EVA1C: variants seen among roughly 807,000 people sequenced by gnomAD.
EVA1C encodes the protein protein eva-1 homolog C.
In EVA1C, 25 loss-of-function variants were observed where a neutral mutation model predicts 45.4. That is an observed-to-expected ratio of 0.55 (90% CI 0.40 to 0.77). The LOEUF is 0.77. EVA1C is among the 30% of genes least tolerant of loss of function. The pLI, the probability that EVA1C is intolerant of heterozygous loss-of-function variation, is 0.00. For missense variants in EVA1C, 479 were observed against 554.8 expected, an observed-to-expected ratio of 0.86 and a Z score of 1.37; for synonymous variants, 190 against 221.2, an observed-to-expected ratio of 0.86 and a Z score of 1.25.
chr21:32,437,151 C>G (rs1266457929), intron 1 of EVA1C, among the ~76,000 whole-genome samples: 5 of 148,902 alleles, frequency 3.4e-5, no homozygotes, highest in African/African-American at 1.3e-4. Context: ...CAGAGCGAGA[C>G]TCTTTCTCAA....
chr21:32,475,299 T>C (rs1447598426), intron 4 of EVA1C, among the ~76,000 whole-genome samples: 1 of 152,150 alleles, frequency 6.6e-6, no homozygotes, highest in Non-Finnish European at 1.5e-5. Context: ...GTGGCTTTAG[T>C]GCTGAGATGC....
intron 4 of EVA1C, among the ~76,000 whole-genome samples, chr21:32,475,341 A>ATCG (rs2036515335): frequency 1.1e-5 from 1 of 94,982 alleles, no homozygotes; most frequent in African/African-American, 5.6e-5. Context: ...CTTCTAAAAT[A>ATCG]TCATCATCAT....
intron 3 of EVA1C, among the ~76,000 whole-genome samples, chr21:32,463,788 A>AG (rs1206480066): frequency 7.9e-6 from 1 of 126,830 alleles, no homozygotes; most frequent in Non-Finnish European, 1.7e-5. Flanking sequence ...TTATAAAAAA[A>AG]GAAAAAAAAA....
chr21:32,507,515 CAT>C (rs1267132665), intron 7 of EVA1C, among the ~76,000 whole-genome samples: 1 of 146,054 alleles, frequency 6.8e-6, no homozygotes, highest in Non-Finnish European at 1.5e-5. Flanking sequence ...TATCTGTGTG[CAT>C]GTGTCTCTGT....
At chr21:32,463,326 G>A (rs945925770) in intron 3 of EVA1C, among the ~76,000 whole-genome samples, 1 of 152,144 alleles carries the variant, frequency 6.6e-6, no homozygotes, top group African/African-American at 2.4e-5. Context: ...CTTCTGGAAG[G>A]CTGCCCACAC....
chr21:32,467,585 C>T (rs1202776156), intron 3 of EVA1C, 111 bp from the exon 4 acceptor site: 3 of 1,073,712 alleles, frequency 2.8e-6, no homozygotes, highest in East Asian at 5.6e-5. Context: ...ATCCCCACTG[C>T]CCCCTTCTCA....
chr21:32,422,627 G>A (rs1007501744), intron 1 of EVA1C, among the ~76,000 whole-genome samples: 4 of 152,152 alleles, frequency 2.6e-5, no homozygotes, highest in Non-Finnish European at 5.9e-5. Context: ...CAAAAACAGT[G>A]GGAGCCATAG....
chr21:32,477,656 C>G (rs957948351), intron 4 of EVA1C, among the ~76,000 whole-genome samples: 4 of 151,510 alleles, frequency 2.6e-5, no homozygotes, highest in Non-Finnish European at 5.9e-5. Context: ...CTGGCTTCCC[C>G]CAGAGAAAGT....
At chr21:32,475,153 T>C (rs1368161557) in intron 4 of EVA1C, among the ~76,000 whole-genome samples, 1 of 152,184 alleles carries the variant, frequency 6.6e-6, no homozygotes, top group Non-Finnish European at 1.5e-5. Flanking sequence ...ATTTTTCCTC[T>C]TGCCTATAAG....
At chr21:32,462,662 G>T (rs2036041498) in intron 3 of EVA1C, among the ~76,000 whole-genome samples, 1 of 152,174 alleles carries the variant, frequency 6.6e-6, no homozygotes, top group Admixed American at 6.5e-5. Flanking sequence ...GGAAGGTTGT[G>T]GGTTTACTGG....
Position 32,412,742 on chromosome 21 carries a change from G to GCCCCCCTC in EVA1C, c.-112_-111insCCCCCCTC. ...GGCAGCCTGGGCAGGGAGGCGGCGGGGGGCCGCGGAGCCGCTGGCCATCGA... is the reference window on the plus strand; with the variant it reads ...GGCAGCCTGGGCAGGGAGGCGGCGGGCCCCCCTCGGGCCGCGGAGCCGCTGGCCATCGA... On this transcript the variant is annotated 5_prime_UTR_variant, in exon 1 of 8. Transcript: ENST00000300255. 8.8e-7 allele frequency: 1 copy of GCCCCCCTC among 1,136,636 alleles called. No homozygotes were observed. The highest frequency in any genetic ancestry group is 1.1e-6 in the Non-Finnish European group (1 of 876,530). 70.4% of individuals were successfully genotyped at this position (1,136,636 alleles called of 1,614,324 possible). A position where few individuals can be genotyped will look rare whatever the true frequency, so the allele number is the denominator to read the frequency against.
intron 1 of EVA1C, among the ~76,000 whole-genome samples, chr21:32,418,609 G>A (rs1201039440): frequency 6.6e-6 from 1 of 152,204 alleles, no homozygotes; most frequent in Non-Finnish European, 1.5e-5. Context: ...CTCAGCCTCA[G>A]AGAGGGTAAC....
At chr21:32,509,735 A>G (rs2037884922) in intron 7 of EVA1C, among the ~76,000 whole-genome samples, 1 of 150,702 alleles carries the variant, frequency 6.6e-6, no homozygotes, top group Non-Finnish European at 1.5e-5. Context: ...CATTCAAGAT[A>G]CTCTGAGACT....
intron 2 of EVA1C, among the ~76,000 whole-genome samples, chr21:32,456,017 C>T (rs565453442): frequency 5.3e-5 from 8 of 152,086 alleles, no homozygotes; most frequent in African/African-American, 1.2e-4. Context: ...CTCAGCCTCC[C>T]GAGTAGCTGG....
intron 1 of EVA1C, among the ~76,000 whole-genome samples, chr21:32,429,190 A>G (rs1298070841): frequency 6.6e-6 from 1 of 151,658 alleles, no homozygotes; most frequent in Non-Finnish European, 1.5e-5. Flanking sequence ...TCAGGCACCC[A>G]CCACAAAGCA....
chr21:32,411,905 C>A (rs1357487875), upstream of EVA1C: 1 of 152,310 alleles, frequency 6.6e-6, no homozygotes, highest in African/African-American at 2.4e-5. Flanking sequence ...GGCTGGGCGT[C>A]CGAACGTGGG....
rs1035804324 is a variant in EVA1C at position 32,474,618 on chromosome 21, G to A, written c.634+6770G>A. 6.6e-6 allele frequency among the ~76,000 whole-genome samples: 1 copy of A among 152,224 alleles called. No homozygotes were observed. The highest frequency in any genetic ancestry group is 6.5e-5 in the Admixed American group (1 of 15,286). ...ATCTCCCCAGGAGCTAAGCAGCTCTGCAGGGACTGGTCTGTGGAATTCCCA... is the reference window on the plus strand; with the variant it reads ...ATCTCCCCAGGAGCTAAGCAGCTCTACAGGGACTGGTCTGTGGAATTCCCA... On this transcript the variant is annotated intron_variant, in intron 4 of 7. Transcript: ENST00000300255. This position sits in a 1 kb window ranked among gnomAD's most constrained non-coding sequence, Gnocchi z 4.4.
intron 1 of EVA1C, among the ~76,000 whole-genome samples, chr21:32,420,303 G>A (rs1247583015): frequency 6.6e-6 from 1 of 152,186 alleles, no homozygotes; most frequent in Non-Finnish European, 1.5e-5. Context: ...CTGGGAAGCG[G>A]AGGTTGCAGT....
intron 3 of EVA1C, among the ~76,000 whole-genome samples, chr21:32,459,570 G>A (rs192624877): frequency 2.0e-5 from 3 of 152,172 alleles, no homozygotes; most frequent in East Asian, 1.9e-4. Context: ...GGCTGGGGGC[G>A]GTGGCTCATG....
Sources: gnomAD v4.1 joint callset for allele counts (sites outside exome capture counted in the v4.1 genomes callset) on GRCh38, gnomAD v4.1.1 for gene constraint, Gnocchi (gnomAD v3.1) non-coding constraint, MANE v1.5 for transcripts, NCBI Gene and HGNC (gene_info 2026-07-23, HGNC 2026-07-21) for gene names.